The following STK39 variants were observed in gnomAD, a reference collection of about 807,000 sequenced individuals.
STK39 encodes the protein STE20/SPS1-related proline-alanine-rich protein kinase.
In STK39, 20 loss-of-function variants were observed where a neutral mutation model predicts 77.8. That is an observed-to-expected ratio of 0.26 (90% CI 0.18 to 0.37). The LOEUF (loss-of-function observed/expected upper bound fraction) is 0.37. STK39 is among the 10% of genes least tolerant of loss of function. The probability of loss-of-function intolerance (pLI) is 1.00; values close to 1 mark genes in which losing one functional copy is unlikely to be tolerated. For synonymous variants in STK39, 246 were observed against 234.1 expected (o/e 1.05, Z -0.47); for missense variants, 479 against 656.5 (o/e 0.73, Z 2.95).
intron 1 of STK39, among the ~76,000 whole-genome samples, chr2:168,198,038 C>CA (rs11448638): frequency 0.48 from 59,421 of 124,188 alleles, 14,620 homozygotes; most frequent in East Asian, 0.78. Flanking sequence ...AACTCGGTCT[C>CA]AAAAAAAAAA....
intron 1 of STK39, among the ~76,000 whole-genome samples, chr2:168,183,446 C>T (rs1689133470): frequency 6.6e-6 from 1 of 152,070 alleles, no homozygotes. Flanking sequence ...GAAAACTTGC[C>T]CAAGGTCACA....
intron 10 of STK39, among the ~76,000 whole-genome samples, chr2:168,126,279 A>T (rs1268583618): frequency 1.3e-5 from 2 of 152,176 alleles, no homozygotes; most frequent in Non-Finnish European, 2.9e-5. Flanking sequence ...CCAGAGCAAG[A>T]TCAACTGGGA....
chr2:168,095,624 T>TTTC (rs1686644251), intron 10 of STK39, among the ~76,000 whole-genome samples: 1 of 6,114 alleles, frequency 1.6e-4, no homozygotes, highest in Non-Finnish European at 2.5e-3. Flanking sequence ...TATCTCTTTC[T>TTTC]TTTTTTTTTT....
intron 1 of STK39, among the ~76,000 whole-genome samples, chr2:168,243,675 A>G (rs1035526638): frequency 1.4e-4 from 22 of 152,228 alleles, no homozygotes; most frequent in Admixed American, 5.2e-4. Flanking sequence ...TAATTCAAAT[A>G]CAGAAATTAG....
intron 5 of STK39, among the ~76,000 whole-genome samples, chr2:168,141,891 A>G (rs3769405): frequency 0.38 from 58,331 of 152,080 alleles, 12,157 homozygotes; most frequent in East Asian, 0.7. Context: ...ATGCAATTGT[A>G]ACTTAATAAC....
At chr2:168,103,870 T>C (rs1438063293) in intron 10 of STK39, among the ~76,000 whole-genome samples, 1 of 152,244 alleles carries the variant, frequency 6.6e-6, no homozygotes, top group Non-Finnish European at 1.5e-5. Context: ...TTTCTAAGAC[T>C]TTAACTTATC....
rs1007653200 is a variant in STK39 at position 168,235,290 on chromosome 2, A to T, written c.208+11938T>A. Among the ~76,000 whole-genome samples, 14 of 152,150 alleles carry T rather than the reference A, an allele frequency of 9.2e-5. No homozygotes were observed. The Middle Eastern group carries it at 0.01, about 111-fold the overall frequency. ...CCTGACCTTGGGATCTGCCTGTCTC[A>T]GCCTCCTGAAGTGCTGGGACTACAG... On this transcript the variant is annotated intron_variant, in intron 1 of 17. Coordinates refer to ENST00000355999, the MANE Select transcript of STK39 (RefSeq NM_013233.3).
At chr2:168,187,673 G>A (rs552990608) in intron 1 of STK39, among the ~76,000 whole-genome samples, 25 of 152,308 alleles carry the variant, frequency 1.6e-4, no homozygotes, top group Non-Finnish European at 2.5e-4. Flanking sequence ...TTAATACCAC[G>A]TAATATTTCA....
chr2:168,088,749 T>C (rs1188663121), intron 10 of STK39, among the ~76,000 whole-genome samples: 3 of 152,154 alleles, frequency 2.0e-5, no homozygotes, highest in Admixed American at 6.5e-5. Context: ...TATATGCACA[T>C]AGCATTTTGG....
intron 14 of STK39, among the ~76,000 whole-genome samples, chr2:168,050,448 G>C (rs1423593446): frequency 6.6e-6 from 1 of 152,166 alleles, no homozygotes; most frequent in East Asian, 1.9e-4. Context: ...ATTAAATTAA[G>C]GACCTTGTGA....
At chr2:168,172,687 T>A (rs1003504271) in intron 2 of STK39, among the ~76,000 whole-genome samples, 7 of 152,332 alleles carry the variant, frequency 4.6e-5, no homozygotes, top group Non-Finnish European at 8.8e-5. Flanking sequence ...GTTTAAATGA[T>A]TCTGAATTCA....
chr2:168,130,398 G>A (rs890795226), intron 8 of STK39, among the ~76,000 whole-genome samples: 8 of 152,172 alleles, frequency 5.3e-5, no homozygotes, highest in African/African-American at 1.9e-4. Context: ...TCTAAGTGAG[G>A]TCTGAAGGCT....
chr2:168,221,450 A>G (rs1208142130), intron 1 of STK39, among the ~76,000 whole-genome samples: 1 of 152,220 alleles, frequency 6.6e-6, no homozygotes, highest in Admixed American at 6.5e-5. Context: ...TATGAACAAA[A>G]TGGCAAAGTT....
intron 14 of STK39, among the ~76,000 whole-genome samples, chr2:168,048,517 C>T (rs929961090): frequency 8.6e-5 from 13 of 151,658 alleles, no homozygotes; most frequent in Non-Finnish European, 1.5e-4. Flanking sequence ...CGGCCCGGCC[C>T]GGCCTATGCT....
intron 16 of STK39, among the ~76,000 whole-genome samples, chr2:167,990,671 A>G (rs993811279): frequency 1.3e-5 from 2 of 152,224 alleles, no homozygotes; most frequent in African/African-American, 4.8e-5. Flanking sequence ...CAGCAATTTG[A>G]TTAAAACCCA....
intron 7 of STK39, among the ~76,000 whole-genome samples, chr2:168,139,423 T>TATATATATATATATATATATATATATAA (rs1488388592): frequency 4.7e-5 from 7 of 150,338 alleles, no homozygotes; most frequent in African/African-American, 1.7e-4. Flanking sequence ...TATATATATA[T>TATATATATATATATATATATATATATAA]AAAAACAATA....
Position 168,243,728 on chromosome 2 carries a change from G to A in STK39, c.208+3500C>T, listed in dbSNP as rs141809090. Among the ~76,000 whole-genome samples the A allele has an allele frequency of 2.8e-3, 419 of 152,314 alleles. 2 individuals are homozygous for A. The highest frequency in any genetic ancestry group is 4.8e-3 in the Non-Finnish European group (328 of 68,012). ...TTCTTTGAATGAGAAGTTCATTGAG[G>A]CTGCTCCATTCCATTACGGATGGCC... On this transcript the variant is annotated intron_variant, in intron 1 of 17. Coordinates refer to ENST00000355999, the MANE Select transcript of STK39 (RefSeq NM_013233.3).
At chr2:167,958,331 CATAAA>C (rs1270406143) in intron 17 of STK39, among the ~76,000 whole-genome samples, 1 of 152,048 alleles carries the variant, frequency 6.6e-6, no homozygotes, top group East Asian at 1.9e-4. Context: ...CATTTAAAAA[CATAAA>C]ATAGGTTTAC....
chr2:168,082,251 C>A (rs1158940640), intron 10 of STK39, among the ~76,000 whole-genome samples: 4 of 152,266 alleles, frequency 2.6e-5, no homozygotes, highest in Admixed American at 2.0e-4. Flanking sequence ...ATACTTCTAC[C>A]AAAAGAGCGC....
Sources: allele counts gnomAD v4.1 joint callset (sites outside exome capture counted in the v4.1 genomes callset), GRCh38; gene constraint gnomAD v4.1.1; transcripts MANE v1.5; gene names NCBI Gene and HGNC (gene_info 2026-07-23, HGNC 2026-07-21).